The following MYLK3 variants were observed in gnomAD, a reference collection of about 807,000 sequenced individuals.
The protein encoded by MYLK3 is MLC kinase.
In MYLK3, 55 loss-of-function variants were observed where a neutral mutation model predicts 76.3. The ratio of observed to expected loss-of-function variants is 0.72; its 90% CI spans 0.58 to 0.90. The LOEUF (loss-of-function observed/expected upper bound fraction) is 0.90, where lower values mean the gene tolerates loss of function less well. Ranked by LOEUF, MYLK3 falls within the 40% of genes least tolerant of loss-of-function variation. MYLK3 has a pLI of 0.00. For missense variants in MYLK3, 973 were observed against 1,053.6 expected (o/e 0.92, Z 1.06); for synonymous variants, 416 against 425.4 (o/e 0.98, Z 0.27).
In MYLK3 at chr16:46,753,646, C is replaced by A. The variant is rs115386404; in HGVS notation, c.-114+9394G>T. 3.4e-3 allele frequency among the ~76,000 whole-genome samples: 520 copies of A among 152,298 alleles called. 7 individuals are homozygous for A. The highest frequency in any genetic ancestry group is 0.012 in the African/African-American group (509 of 41,556). ...TGTCATTTTGCGGGGTGAGGTGGCT[C>A]ACGCCTGTAAACCTAGCACTTTGGG... On this transcript the variant is annotated intron_variant, in intron 1 of 11. Coordinates refer to the MYLK3 transcript ENST00000536476.
chr16:46,738,935 G>A (rs1296331543), intron 2 of MYLK3, among the ~76,000 whole-genome samples: 1 of 152,118 alleles, frequency 6.6e-6, no homozygotes, highest in African/African-American at 2.4e-5. Flanking sequence ...CCACCTCCCT[G>A]GTCCAAGCGA....
At chr16:46,723,526 G>A (rs1966819676) in intron 8 of MYLK3, among the ~76,000 whole-genome samples, 1 of 151,968 alleles carries the variant, frequency 6.6e-6, no homozygotes, top group Admixed American at 6.6e-5. Context: ...AAATTGCTGG[G>A]TTATATGGTA....
intron 1 of MYLK3, among the ~76,000 whole-genome samples, chr16:46,755,736 A>G (rs1373437020): frequency 6.6e-6 from 1 of 152,046 alleles, no homozygotes; most frequent in East Asian, 1.9e-4. Flanking sequence ...GAGAATAATA[A>G]TAACACATAC....
intron 3 of MYLK3, among the ~76,000 whole-genome samples, chr16:46,735,062 G>C (rs934307253): frequency 4.0e-5 from 6 of 151,750 alleles, no homozygotes; most frequent in African/African-American, 1.5e-4. Context: ...GCTCACTTGA[G>C]CCCGAGAAGT....
In MYLK3 at chr16:46,762,577, C is replaced by T. The variant is rs375943773; in HGVS notation, c.-114+463G>A. 6.6e-5 allele frequency among the ~76,000 whole-genome samples: 10 copies of T among 152,246 alleles called. No individual in the cohort carries two copies. The East Asian group carries it at 9.6e-4, about 15-fold the overall frequency. On this transcript the variant is annotated intron_variant, in intron 1 of 11. Transcript: ENST00000536476. Reference sequence around the variant, plus strand: ...AACAGAAACATGTCTATTTAGCAGCCGCAGGAAGACTCCTCAGAAATCACA... The same window carrying T: ...AACAGAAACATGTCTATTTAGCAGCTGCAGGAAGACTCCTCAGAAATCACA...
chr16:46,749,412 G>T (rs1967088750), upstream of MYLK3, among the ~76,000 whole-genome samples: 1 of 152,228 alleles, frequency 6.6e-6, no homozygotes, highest in African/African-American at 2.4e-5. Flanking sequence ...TCCCCCTCAA[G>T]CTTCCCCCTT....
At chr16:46,755,380 C>A (rs1345444563) in intron 1 of MYLK3, among the ~76,000 whole-genome samples, 1 of 151,372 alleles carries the variant, frequency 6.6e-6, no homozygotes. Context: ...ATTGCTTGAA[C>A]TTGGGAGGTG....
intron 10 of MYLK3, among the ~76,000 whole-genome samples, chr16:46,712,274 G>A (rs563877114): frequency 3.3e-5 from 5 of 152,044 alleles, no homozygotes; most frequent in South Asian, 2.1e-4. Context: ...TTACAGGCAT[G>A]AGCCACCATG....
At chr16:46,763,107 T>A in exon 1 of MYLK3, 1 of 984,564 alleles carries the variant, frequency 1.0e-6, no homozygotes. Flanking sequence ...CAGTGAGATG[T>A]ATAAATATTG....
rs774082347 is a variant in MYLK3, at chr16:46,738,002, G to C, written c.710C>G (p.Pro237Arg). ...CTTTGTGGGCAGGGGCAGGTGGCCA[G>C]GGAATGCCTGGGCTGGGCCAGGAAC... is the stretch of plus-strand genomic sequence containing the variant. ...DGVPGPAQAF[P>R]GHLPLPTKVE... The change falls in exon 3 of 13, where the codon CCT becomes CGT. Residue 237 changes from proline (P) to arginine (R), a missense_variant. By Grantham distance (103) the Pro-to-Arg change is moderately radical (BLOSUM62 -2). Coordinates refer to ENST00000394809, the MANE Select transcript of MYLK3 (RefSeq NM_182493.3). The C allele has an allele frequency of 1.2e-6, 2 of 1,613,620 alleles. No individual in the cohort carries two copies. Among genetic ancestry groups the C allele is most frequent in the East Asian group, 4.5e-5 (2 of 44,882 alleles).
chr16:46,741,881 T>C (rs1966937244), intron 1 of MYLK3, among the ~76,000 whole-genome samples: 1 of 151,776 alleles, frequency 6.6e-6, no homozygotes, highest in Non-Finnish European at 1.5e-5. Context: ...AGTGATCCTC[T>C]CACCTCAGCC....
In MYLK3 at chr16:46,705,926, A is replaced by G; in HGVS notation, c.*1778T>C. The G allele has an allele frequency of 6.6e-6, 1 of 152,526 alleles. No individual in the cohort carries two copies. Among genetic ancestry groups the G allele is most frequent in the Non-Finnish European group, 1.5e-5 (1 of 68,420 alleles). 9.4% of individuals were successfully genotyped at this position (152,526 alleles called of 1,614,324 possible). On this transcript the variant is annotated 3_prime_UTR_variant, in exon 13 of 13. Transcript: ENST00000394809. Reference sequence around the variant, plus strand: ...GCGGAGGCTACAGTGAGCCAAGATCACACCACTGCACTGCAGCCTGGGCAA... The same window carrying G: ...GCGGAGGCTACAGTGAGCCAAGATCGCACCACTGCACTGCAGCCTGGGCAA...
Position 46,702,491 on chromosome 16 carries a change from C to T in MYLK3, c.*5213G>A, listed in dbSNP as rs1478098668. 6.6e-6 allele frequency among the ~76,000 whole-genome samples: 1 copy of T among 152,170 alleles called. No individual in the cohort carries two copies. Among genetic ancestry groups the T allele is most frequent in the Non-Finnish European group, 1.5e-5 (1 of 68,032 alleles). ...ACCACATTGCCAATATCACACCTCA[C>T]AAAATTAATAGTAACTATCATCAAA... On this transcript the variant is annotated 3_prime_UTR_variant, in exon 13 of 13. Transcript: ENST00000394809.
rs181201951 is a variant in MYLK3, at chr16:46,756,443, C to A, written c.-114+6597G>T. On this transcript the variant is annotated intron_variant, in intron 1 of 11. Coordinates refer to the MYLK3 transcript ENST00000536476. ...AATGAAGAAATATGGAGGCAAATAT[C>A]AAAAGAAACAAAGAAACAGCTTCAA... 4.9e-4 allele frequency among the ~76,000 whole-genome samples: 74 copies of A among 152,280 alleles called. No homozygotes were observed. In the East Asian group the frequency reaches 0.012, roughly 25 times the overall value.
At chr16:46,758,296 ACACACACACTCTCTCT>A (rs1325049845) in intron 1 of MYLK3, among the ~76,000 whole-genome samples, 5 of 59,242 alleles carry the variant, frequency 8.4e-5, no homozygotes, top group African/African-American at 3.0e-4. Context: ...ACACACACAC[ACACACACACTCTCTCT>A]CTCTCTCTCT....
chr16:46,746,748 C>T lies in MYLK3; in HGVS notation c.477+969G>A, dbSNP rs930569260. Among the ~76,000 whole-genome samples the T allele has an allele frequency of 2.6e-5, 4 of 152,132 alleles. No homozygotes were observed. The East Asian group carries it at 7.7e-4, about 29-fold the overall frequency. ...CATAATTTTATTTTTTAAAGCCGGG[C>T]TTTGTTAGGGTCACACTGCCCTGCA... On this transcript the variant is annotated intron_variant, in intron 1 of 12. Coordinates refer to ENST00000394809, the MANE Select transcript of MYLK3 (RefSeq NM_182493.3).
chr16:46,722,115 T>C (rs1226068319), intron 8 of MYLK3, among the ~76,000 whole-genome samples: 2 of 151,568 alleles, frequency 1.3e-5, no homozygotes, highest in Admixed American at 1.3e-4. Context: ...CCTGAGGGAG[T>C]CTGGAAGGAT....
In MYLK3 at chr16:46,738,516, C is replaced by T. The variant is rs141112402; in HGVS notation, c.569-373G>A. Among the ~76,000 whole-genome samples, 149 of 152,278 alleles carry T rather than the reference C, an allele frequency of 9.8e-4. 1 individual carries two copies. Among genetic ancestry groups the T allele is most frequent in the African/African-American group, 3.3e-3 (139 of 41,548 alleles). On this transcript the variant is annotated intron_variant, in intron 2 of 12. Transcript: ENST00000394809. Reference sequence around the variant, plus strand: ...TAGAGGCTGCAGTGAGCCATATTCACGCCACTTGCACTCCAGCCTGGGCAA... The same window carrying T: ...TAGAGGCTGCAGTGAGCCATATTCATGCCACTTGCACTCCAGCCTGGGCAA...
upstream of MYLK3, among the ~76,000 whole-genome samples, chr16:46,752,774 G>C (rs1967143226): frequency 6.6e-6 from 1 of 152,164 alleles, no homozygotes; most frequent in Admixed American, 6.5e-5. Flanking sequence ...CCAGTTATCA[G>C]GAGGCTGAGG....
Sources: gnomAD v4.1 joint callset for allele counts (sites outside exome capture counted in the v4.1 genomes callset) on GRCh38, gnomAD v4.1.1 for gene constraint, MANE v1.5 for transcripts, NCBI Gene and HGNC (gene_info 2026-07-23, HGNC 2026-07-21) for gene names.